The following SGPP2 variants were observed in gnomAD, a reference collection of about 807,000 sequenced individuals.
The protein encoded by SGPP2 is sphingosine-1-phosphate phosphatase 2.
Under a neutral mutation model 33.9 loss-of-function variants are expected in SGPP2, and 30 were observed. That is an observed-to-expected ratio of 0.89 (90% CI 0.66 to 1.20). SGPP2 has a LOEUF of 1.20. Ranked by LOEUF, SGPP2 falls within the 50% of genes most tolerant of loss-of-function variation. The pLI is 0.00. For missense variants in SGPP2, 458 were observed against 532.1 expected, an observed-to-expected ratio of 0.86 and a Z score of 1.37; for synonymous variants, 233 against 225.0, an observed-to-expected ratio of 1.04 and a Z score of -0.32.
At chr2:222,424,857 G>T in intron 1 of SGPP2, 36 bp downstream of exon 1, 1 of 1,296,284 alleles carries the variant, frequency 7.7e-7, no homozygotes, top group South Asian at 2.2e-5. Flanking sequence ...GTACGGGGAG[G>T]GGGCGGCTGC....
In SGPP2 at chr2:222,452,746, T is replaced by C. The variant is rs1486172521; in HGVS notation, c.220-21822T>C. 2.8e-6 allele frequency: 4 copies of C among 1,428,100 alleles called. No homozygotes were observed. The African/African-American group carries it at 5.6e-5, about 20-fold the overall frequency. 88.5% of individuals were successfully genotyped at this position (1,428,100 alleles called of 1,614,324 possible). ...CACATTGGAAGGTTTCCAGTCGTGT[T>C]CACCAGGCATTCCTGGTGGTAAGAA... is the stretch of plus-strand genomic sequence containing the variant. On this transcript the variant is annotated intron_variant, in intron 1 of 4. Transcript: ENST00000321276.
chr2:222,510,052 T>C (rs1004934799), intron 2 of SGPP2, among the ~76,000 whole-genome samples: 1 of 152,252 alleles, frequency 6.6e-6, no homozygotes, highest in African/African-American at 2.4e-5. Flanking sequence ...ACTTTCTTTC[T>C]TTCTATGGCC....
intron 4 of SGPP2, among the ~76,000 whole-genome samples, chr2:222,528,574 C>T (rs964762439): frequency 5.9e-5 from 9 of 152,048 alleles, no homozygotes; most frequent in African/African-American, 9.7e-5. Flanking sequence ...CTGCTGACTG[C>T]GTAGGGTGGT....
At position 222,560,908 on chromosome 2, in the gene SGPP2, C is replaced by A. The variant is rs972929052; in HGVS notation, c.*2010C>A. ...GGACCACGAGGTCAGGAGATCGAGA[C>A]CATCCTGGCTAACACGGTACCCCGT... On this transcript the variant is annotated 3_prime_UTR_variant, in exon 5 of 5. Coordinates refer to ENST00000321276, the MANE Select transcript of SGPP2 (RefSeq NM_152386.4). 1.3e-5 allele frequency: 2 copies of A among 152,070 alleles called. No homozygotes were observed. The highest frequency in any genetic ancestry group is 4.8e-5 in the African/African-American group (2 of 41,386). 9.4% of individuals were successfully genotyped at this position (152,070 alleles called of 1,614,324 possible).
chr2:222,500,518 T>G (rs1177291469), intron 2 of SGPP2, among the ~76,000 whole-genome samples: 1 of 152,210 alleles, frequency 6.6e-6, no homozygotes, highest in Non-Finnish European at 1.5e-5. Context: ...GTCACCGTGT[T>G]GGCAGTTGTT....
chr2:222,499,214 T>A (rs537033499), intron 2 of SGPP2, among the ~76,000 whole-genome samples: 8 of 152,230 alleles, frequency 5.3e-5, no homozygotes, highest in Non-Finnish European at 1.0e-4. Flanking sequence ...GAAGGCAGAT[T>A]CTGACAGGCT....
chr2:222,508,508 A>G (rs548827564), intron 2 of SGPP2, among the ~76,000 whole-genome samples: 2 of 152,228 alleles, frequency 1.3e-5, no homozygotes, highest in Non-Finnish European at 2.9e-5. Flanking sequence ...CACTAAAAAC[A>G]ATCATTGCAC....
intron 1 of SGPP2, among the ~76,000 whole-genome samples, chr2:222,428,690 G>T (rs1164362735): frequency 1.3e-5 from 2 of 151,648 alleles, no homozygotes; most frequent in South Asian, 4.2e-4. Context: ...AGGAGACCAG[G>T]ATCTAGTTTT....
At chr2:222,535,597 A>G (rs963319527) in intron 4 of SGPP2, among the ~76,000 whole-genome samples, 1 of 152,328 alleles carries the variant, frequency 6.6e-6, no homozygotes, top group African/African-American at 2.4e-5. Context: ...AAAGGGCTGG[A>G]GCAGGCACTG....
At chr2:222,453,007 T>C (rs1480210766) in intron 1 of SGPP2, 1 of 1,582,278 alleles carries the variant, frequency 6.3e-7, no homozygotes, top group African/African-American at 1.3e-5. Context: ...GAGAACACAG[T>C]TCTGGTCTTC....
chr2:222,522,687 G>T (rs1698704792), intron 3 of SGPP2, among the ~76,000 whole-genome samples: 1 of 151,958 alleles, frequency 6.6e-6, no homozygotes, highest in Non-Finnish European at 1.5e-5. Flanking sequence ...TTGTTTATTT[G>T]TTTGTTTGAT....
At chr2:222,437,782 C>T (rs1041941270) in intron 1 of SGPP2, among the ~76,000 whole-genome samples, 2 of 152,164 alleles carry the variant, frequency 1.3e-5, no homozygotes, top group Admixed American at 1.3e-4. Flanking sequence ...TCCACCAAAG[C>T]CTAGTAACAG....
intron 1 of SGPP2, among the ~76,000 whole-genome samples, chr2:222,462,100 T>C (rs1697670627): frequency 6.6e-6 from 1 of 152,170 alleles, no homozygotes; most frequent in Non-Finnish European, 1.5e-5. Flanking sequence ...TTAAAGCGTA[T>C]GCTTGAAGCT....
chr2:222,457,989 G>A (rs1031902572), intron 1 of SGPP2, among the ~76,000 whole-genome samples: 1 of 152,188 alleles, frequency 6.6e-6, no homozygotes, highest in Non-Finnish European at 1.5e-5. Flanking sequence ...TCCAGGATAC[G>A]AACCCCAGTT....
intron 2 of SGPP2, among the ~76,000 whole-genome samples, chr2:222,493,111 A>G (rs1410903118): frequency 1.3e-5 from 2 of 152,230 alleles, no homozygotes; most frequent in Non-Finnish European, 2.9e-5. Flanking sequence ...ATTTCCAAGT[A>G]TCTTTATAGC....
chr2:222,556,325 G>T (rs967990256), intron 4 of SGPP2, among the ~76,000 whole-genome samples: 7 of 152,080 alleles, frequency 4.6e-5, no homozygotes, highest in Non-Finnish European at 1.0e-4. Context: ...TGCAGAGATG[G>T]TGAAGCGTGA....
chr2:222,526,247 G>C (rs1027678562), intron 4 of SGPP2, among the ~76,000 whole-genome samples: 4 of 152,186 alleles, frequency 2.6e-5, no homozygotes, highest in Non-Finnish European at 4.4e-5. Flanking sequence ...GACAAGATTT[G>C]ACCCTGTATT....
At chr2:222,537,101 G>C (rs1698927367) in intron 4 of SGPP2, among the ~76,000 whole-genome samples, 1 of 152,188 alleles carries the variant, frequency 6.6e-6, no homozygotes, top group Non-Finnish European at 1.5e-5. Flanking sequence ...TGTGTCAGGG[G>C]CAAACTGTGT....
chr2:222,488,743 G>C (rs1056653079), intron 2 of SGPP2, among the ~76,000 whole-genome samples: 1 of 152,090 alleles, frequency 6.6e-6, no homozygotes, highest in South Asian at 2.1e-4. Flanking sequence ...AGCTTAGGGG[G>C]ATGTGTGTGT....
Sources: allele counts gnomAD v4.1 joint callset (sites outside exome capture counted in the v4.1 genomes callset), GRCh38; gene constraint gnomAD v4.1.1; transcripts MANE v1.5; gene names NCBI Gene and HGNC (gene_info 2026-07-23, HGNC 2026-07-21).